PPP1R1C: variants seen among roughly 807,000 people sequenced by gnomAD.
The protein encoded by PPP1R1C is protein phosphatase 1 regulatory subunit 1C.
A neutral mutation model predicts 17.4 loss-of-function variants in PPP1R1C; 15 were observed. The observed-to-expected ratio is 0.86, with a 90% confidence interval of 0.58 to 1.33. The LOEUF (loss-of-function observed/expected upper bound fraction) is 1.33, where lower values mean the gene tolerates loss of function less well. Ranked by LOEUF, PPP1R1C falls within the 40% of genes most tolerant of loss-of-function variation. The pLI, the probability that PPP1R1C is intolerant of heterozygous loss-of-function variation, is 0.00. For missense variants in PPP1R1C, 143 were observed against 130.0 expected, an observed-to-expected ratio of 1.10 and a Z score of -0.48; for synonymous variants, 35 against 43.1, an observed-to-expected ratio of 0.81 and a Z score of 0.73.
At chr2:181,986,781 C>CATTAGTTCA (rs1444984357) in intron 1 of PPP1R1C, among the ~76,000 whole-genome samples, 3 of 152,004 alleles carry the variant, frequency 2.0e-5, no homozygotes, top group Admixed American at 1.3e-4. Flanking sequence ...ATTCTTTGTC[C>CATTAGTTCA]ATGTCTAATA....
At chr2:182,056,996 C>T (rs12693292) in intron 2 of PPP1R1C, among the ~76,000 whole-genome samples, 97,164 of 151,986 alleles carry the variant, frequency 0.64, 32,364 homozygotes, top group Non-Finnish European at 0.74. Flanking sequence ...AGTTTGCAAA[C>T]TGAACACTTA....
chr2:182,119,056 C>T (rs1259716804), downstream of PPP1R1C, among the ~76,000 whole-genome samples: 1 of 151,988 alleles, frequency 6.6e-6, no homozygotes, highest in East Asian at 1.9e-4. Context: ...CCTCCCCCCA[C>T]CACCCACCCC....
intron 4 of PPP1R1C, among the ~76,000 whole-genome samples, chr2:182,065,025 G>A (rs187393745): frequency 7.4e-4 from 112 of 152,086 alleles, no homozygotes; most frequent in African/African-American, 2.5e-3. Flanking sequence ...ATCTTAAACC[G>A]AAAGTCTCAA....
chr2:182,039,615 G>C (rs1161132389), intron 2 of PPP1R1C, among the ~76,000 whole-genome samples: 1 of 152,034 alleles, frequency 6.6e-6, no homozygotes, highest in African/African-American at 2.4e-5. Context: ...GAACTCCCAG[G>C]CTTAAGTGAT....
chr2:182,119,053 C>A (rs550331610), downstream of PPP1R1C, among the ~76,000 whole-genome samples: 136 of 152,160 alleles, frequency 8.9e-4, 1 homozygote, highest in African/African-American at 3.1e-3. Context: ...ATCCCTCCCC[C>A]CACCACCCAC....
At chr2:182,035,309 T>A (rs1273730734) in intron 2 of PPP1R1C, among the ~76,000 whole-genome samples, 5 of 152,228 alleles carry the variant, frequency 3.3e-5, no homozygotes, top group African/African-American at 1.2e-4. Flanking sequence ...AGTAAAATAT[T>A]TTTTCACAAT....
chr2:182,030,480 T>C (rs1191409170), intron 2 of PPP1R1C, among the ~76,000 whole-genome samples: 6 of 150,984 alleles, frequency 4.0e-5, no homozygotes, highest in Admixed American at 2.0e-4. Flanking sequence ...CCGTGTGAGA[T>C]GTCAGTGTGC....
chr2:182,078,874 A>G, intron 4 of PPP1R1C, among the ~76,000 whole-genome samples: 1 of 152,242 alleles, frequency 6.6e-6, no homozygotes, highest in Non-Finnish European at 1.5e-5. Context: ...TTCTGCCCCA[A>G]CCAACAGAAT....
In PPP1R1C at chr2:182,068,885, G is replaced by A. The variant is rs149561349; in HGVS notation, c.241+5094G>A. On this transcript the variant is annotated intron_variant, in intron 4 of 4. Coordinates refer to ENST00000682840, the MANE Select transcript of PPP1R1C (RefSeq NM_001080545.3). ...TAGGTAAATTAACCATGGCTGTATT[G>A]GAATGTGACCAGTTCACTCTTCCTG... Among the ~76,000 whole-genome samples, 7 of 152,214 alleles carry A rather than the reference G, an allele frequency of 4.6e-5. No individual in the cohort carries two copies. The East Asian group carries it at 1.4e-3, about 29-fold the overall frequency.
chr2:182,041,633 T>C (rs1218588886), intron 2 of PPP1R1C, among the ~76,000 whole-genome samples: 1 of 142,054 alleles, frequency 7.0e-6, no homozygotes, highest in Admixed American at 7.3e-5. Flanking sequence ...AAAAAAAAAT[T>C]GTCCCAAATG....
chr2:182,083,080 G>A (rs1688528755), intron 4 of PPP1R1C, among the ~76,000 whole-genome samples: 1 of 152,076 alleles, frequency 6.6e-6, no homozygotes, highest in South Asian at 2.1e-4. Context: ...GAAGTTTGAG[G>A]TATTTGTGAT....
intron 1 of PPP1R1C, among the ~76,000 whole-genome samples, chr2:181,970,110 T>C (rs997100544): frequency 3.3e-5 from 5 of 152,114 alleles, no homozygotes; most frequent in African/African-American, 1.2e-4. Flanking sequence ...CCAGGATTGG[T>C]CCATGGTGTC....
chr2:181,960,990 T>G (rs1684769827), intron 1 of PPP1R1C, among the ~76,000 whole-genome samples: 1 of 152,112 alleles, frequency 6.6e-6, no homozygotes, highest in Admixed American at 6.5e-5. Flanking sequence ...AGACCAGAAA[T>G]TTTGAGTGAT....
chr2:182,111,837 A>G (rs1316119609), intron 4 of PPP1R1C, among the ~76,000 whole-genome samples: 1 of 152,028 alleles, frequency 6.6e-6, no homozygotes, highest in Non-Finnish European at 1.5e-5. Context: ...TTAGAAAGCC[A>G]TCTTTCTAAG....
intron 2 of PPP1R1C, among the ~76,000 whole-genome samples, chr2:182,039,314 AC>A (rs1687110275): frequency 6.6e-6 from 1 of 152,112 alleles, no homozygotes; most frequent in African/African-American, 2.4e-5. Context: ...TACTGCTCAA[AC>A]CAGCTTCCTG....
At chr2:182,079,250 C>A (rs992944436) in intron 4 of PPP1R1C, among the ~76,000 whole-genome samples, 2 of 152,240 alleles carry the variant, frequency 1.3e-5, no homozygotes, top group Admixed American at 6.5e-5. Context: ...ACTTACATAG[C>A]AGATGTGTTT....
intron 4 of PPP1R1C, among the ~76,000 whole-genome samples, chr2:182,095,057 G>A (rs1236340478): frequency 5.3e-5 from 8 of 152,088 alleles, no homozygotes; most frequent in Admixed American, 6.5e-5. Flanking sequence ...CTGGGAGGCC[G>A]AGGCAGGCGG....
intron 2 of PPP1R1C, among the ~76,000 whole-genome samples, chr2:182,001,320 G>C (rs963641971): frequency 2.0e-5 from 3 of 152,136 alleles, no homozygotes; most frequent in Non-Finnish European, 4.4e-5. Flanking sequence ...GACTTCTGGA[G>C]TTTTAGAGGA....
chr2:182,026,753 A>C (rs1053375663), intron 2 of PPP1R1C, among the ~76,000 whole-genome samples: 1 of 151,504 alleles, frequency 6.6e-6, no homozygotes, highest in Non-Finnish European at 1.5e-5. Context: ...GAAGAAAGTC[A>C]TTGGTAGCTT....
Sources: gnomAD v4.1 joint callset for allele counts (sites outside exome capture counted in the v4.1 genomes callset) on GRCh38, gnomAD v4.1.1 for gene constraint, MANE v1.5 for transcripts, NCBI Gene and HGNC (gene_info 2026-07-23, HGNC 2026-07-21) for gene names.